ADGRE3: variants seen among roughly 807,000 people sequenced by gnomAD.
ADGRE3 encodes the protein adhesion G protein-coupled receptor E3, also known as EGF-like module receptor 3.
In ADGRE3, 88 loss-of-function variants were observed where a neutral mutation model predicts 80.1. The observed-to-expected ratio is 1.10, with a 90% confidence interval of 0.93 to 1.31. ADGRE3 has a LOEUF of 1.31. Ranked by LOEUF, ADGRE3 falls within the 40% of genes most tolerant of loss-of-function variation. The probability of loss-of-function intolerance (pLI) is 0.00; values close to 1 mark genes in which losing one functional copy is unlikely to be tolerated. For missense variants in ADGRE3, 715 were observed against 776.5 expected, an observed-to-expected ratio of 0.92 and a Z score of 0.94; for synonymous variants, 281 against 294.8, an observed-to-expected ratio of 0.95 and a Z score of 0.48.
At chr19:14,611,238 C>T in the ADGRE3 span, 1 of 152,114 alleles carries the variant, frequency 6.6e-6, no homozygotes, top group Non-Finnish European at 1.5e-5. Context: ...TGGTCTCAAA[C>T]AGCACAAATA....
intron 1 of ADGRE3, among the ~76,000 whole-genome samples, chr19:14,674,030 A>C (rs1036302650): frequency 3.3e-5 from 5 of 152,176 alleles, no homozygotes; most frequent in African/African-American, 7.2e-5. Flanking sequence ...ATGACCTCTA[A>C]AATTAATAAT....
At chr19:14,662,776 A>G (rs567603820) in intron 3 of ADGRE3, among the ~76,000 whole-genome samples, 32 of 151,862 alleles carry the variant, frequency 2.1e-4, no homozygotes, top group Admixed American at 1.9e-3. Flanking sequence ...ATAACTTGCA[A>G]ATTATCCCTG....
At chr19:14,620,457 A>AT (rs1970520986) in intron 15 of ADGRE3, among the ~76,000 whole-genome samples, 1 of 136,134 alleles carries the variant, frequency 7.3e-6, no homozygotes, top group Non-Finnish European at 1.6e-5. Flanking sequence ...TGTATATATG[A>AT]ATATATGAAT....
chr19:14,648,701 T>C (rs1971487364), intron 7 of ADGRE3, among the ~76,000 whole-genome samples: 1 of 152,148 alleles, frequency 6.6e-6, no homozygotes, highest in African/African-American at 2.4e-5. Context: ...ATAATGTGGG[T>C]GGGCCTTATC....
chr19:14,609,954 T>C, the ADGRE3 span: 8 of 771,238 alleles, frequency 1.0e-5, no homozygotes, highest in Admixed American at 2.2e-5. Flanking sequence ...CGGCCTAATA[T>C]GGGTTTTGCC....
the ADGRE3 span, among the ~76,000 whole-genome samples, chr19:14,613,776 C>T: frequency 3.3e-5 from 5 of 151,906 alleles, no homozygotes; most frequent in African/African-American, 1.2e-4. Flanking sequence ...ACCTCCTCCT[C>T]CTGGGTACAA....
At chr19:14,616,769 G>A (rs1167157571), downstream of ADGRE3, among the ~76,000 whole-genome samples, 3 of 148,300 alleles carry the variant, frequency 2.0e-5, no homozygotes, top group Non-Finnish European at 4.4e-5. Context: ...AGACAACACA[G>A]TGGAAACAAG....
At chr19:14,671,149 A>ATC (rs748413380) in intron 1 of ADGRE3, among the ~76,000 whole-genome samples, 16 of 152,132 alleles carry the variant, frequency 1.1e-4, no homozygotes, top group Non-Finnish European at 1.9e-4. Context: ...ATCCTTCTGG[A>ATC]TCTCTCTCTT....
At chr19:14,641,173 T>G (rs1971236632) in intron 10 of ADGRE3, among the ~76,000 whole-genome samples, 1 of 152,238 alleles carries the variant, frequency 6.6e-6, no homozygotes, top group African/African-American at 2.4e-5. Context: ...GAATGCCTCG[T>G]TACCTGGGTA....
chr19:14,607,964 A>C, the ADGRE3 span, among the ~76,000 whole-genome samples: 11 of 152,066 alleles, frequency 7.2e-5, no homozygotes, highest in Middle Eastern at 3.4e-3. Context: ...TCAACCTCCC[A>C]GGCTCTGGTA....
At chr19:14,649,606 C>T (rs1253967812) in intron 7 of ADGRE3, among the ~76,000 whole-genome samples, 1 of 143,568 alleles carries the variant, frequency 7.0e-6, no homozygotes, top group Non-Finnish European at 1.5e-5. Flanking sequence ...CTTTCGATCT[C>T]TGTCTTTCCA....
chr19:14,621,332 G>A (rs1362340754), intron 15 of ADGRE3, among the ~76,000 whole-genome samples: 1 of 151,158 alleles, frequency 6.6e-6, no homozygotes, highest in Non-Finnish European at 1.5e-5. Context: ...GCGGGCGCAT[G>A]TAATCCCAGC....
At chr19:14,646,675 C>A in intron 8 of ADGRE3, among the ~76,000 whole-genome samples, 1 of 88,416 alleles carries the variant, frequency 1.1e-5, no homozygotes, top group African/African-American at 4.5e-5. Flanking sequence ...CTCCCTCCCT[C>A]CCTCCCTCCC....
chr19:14,639,740 C>T lies in ADGRE3; in HGVS notation c.1249-1400G>A, dbSNP rs995576940. ...CCAAGGGATTATTTTAAACTGAAGG[C>T]AGTTGAGAAGAAGCAGATACAAAAA... On this transcript the variant is annotated intron_variant, in intron 10 of 15. Coordinates refer to ENST00000253673, the MANE Select transcript of ADGRE3 (RefSeq NM_032571.5). 1.1e-3 allele frequency among the ~76,000 whole-genome samples: 163 copies of T among 152,196 alleles called. 1 individual carries two copies. Among genetic ancestry groups the T allele is most frequent in the African/African-American group, 3.6e-3 (150 of 41,544 alleles).
rs968912491 is a variant in ADGRE3, at chr19:14,662,084, A to G, written c.234T>C (p.Tyr78=). The G allele has an allele frequency of 1.2e-6, 2 of 1,614,156 alleles. No homozygotes were observed. The highest frequency in any genetic ancestry group is 1.7e-5 in the Admixed American group (1 of 60,014). ...TGTAACACACAGCGTTAAATCCACA[A>G]TATACACTATAGGGTGGTGTACATT... ...INECTPPYSV[Y]CGFNAVCYNV... Residue 78 remains tyrosine, a synonymous_variant, in exon 4 of 16, where the codon TAT becomes TAC. Coordinates refer to ENST00000253673, the MANE Select transcript of ADGRE3 (RefSeq NM_032571.5).
intron 6 of ADGRE3, among the ~76,000 whole-genome samples, chr19:14,654,538 T>A (rs1971699230): frequency 6.6e-6 from 1 of 152,154 alleles, no homozygotes; most frequent in South Asian, 2.1e-4. Flanking sequence ...GTGCTGGGAA[T>A]ACAGTCGTGA....
intron 5 of ADGRE3, among the ~76,000 whole-genome samples, chr19:14,656,700 T>G (rs1441467843): frequency 1.3e-5 from 2 of 152,164 alleles, no homozygotes; most frequent in Non-Finnish European, 2.9e-5. Flanking sequence ...AGCCTTTTCC[T>G]ATTGGCACAG....
intron 11 of ADGRE3, among the ~76,000 whole-genome samples, chr19:14,634,859 C>CT (rs57569082): frequency 0.5 from 75,520 of 151,804 alleles, 19,120 homozygotes; most frequent in Non-Finnish European, 0.53. Context: ...CTAAATTCCT[C>CT]GGCTACAAGA....
chr19:14,644,662 TTGG>T (rs1568486784), intron 8 of ADGRE3, among the ~76,000 whole-genome samples: 1 of 152,180 alleles, frequency 6.6e-6, no homozygotes, highest in East Asian at 1.9e-4. Context: ...GTTCTCAGTG[TTGG>T]CCTATGCCAG....
Sources: gnomAD v4.1 joint callset for allele counts (sites outside exome capture counted in the v4.1 genomes callset) on GRCh38, gnomAD v4.1.1 for gene constraint, MANE v1.5 for transcripts, NCBI Gene and HGNC (gene_info 2026-07-23, HGNC 2026-07-21) for gene names.